SLC25A19: variants seen among roughly 807,000 people sequenced by gnomAD.
SLC25A19 encodes the protein solute carrier family 25 member 19.
A neutral mutation model predicts 27.9 loss-of-function variants in SLC25A19; 18 were observed. The ratio of observed to expected loss-of-function variants is 0.64; its 90% CI spans 0.45 to 0.96. The LOEUF (loss-of-function observed/expected upper bound fraction) is 0.96. SLC25A19 is among the 40% of genes least tolerant of loss of function. SLC25A19 has a pLI of 0.00. For synonymous variants in SLC25A19, 169 were observed against 167.1 expected, an observed-to-expected ratio of 1.01 and a Z score of -0.09; for missense variants, 371 against 418.3, an observed-to-expected ratio of 0.89 and a Z score of 0.99.
intron 7 of SLC25A19, among the ~76,000 whole-genome samples, chr17:75,274,778 AAAAG>A (rs913481900): frequency 3.3e-5 from 5 of 152,122 alleles, no homozygotes; most frequent in Admixed American, 6.6e-5. Context: ...CCCATTTAAA[AAAAG>A]AAAGAAAGAA....
At chr17:75,287,888 A>G (rs2078219865) in intron 2 of SLC25A19, among the ~76,000 whole-genome samples, 1 of 152,208 alleles carries the variant, frequency 6.6e-6, no homozygotes, top group Admixed American at 6.5e-5. Flanking sequence ...TCACGCCTGT[A>G]ATCCCAGCAC....
chr17:75,274,800 C>T, intron 7 of SLC25A19, among the ~76,000 whole-genome samples: 1 of 151,970 alleles, frequency 6.6e-6, no homozygotes, highest in South Asian at 2.1e-4. Context: ...GAAAAGAAAA[C>T]AAACTCTCCC....
chr17:75,276,510 G>C (rs148606566), intron 7 of SLC25A19, among the ~76,000 whole-genome samples: 6,421 of 134,008 alleles, frequency 0.048, 297 homozygotes, highest in Middle Eastern at 0.14. Context: ...TGGGACTACA[G>C]GCGCCCACCA....
At chr17:75,283,691 G>C (rs2078112015) in intron 4 of SLC25A19, 98 bp from the exon 5 acceptor site, 2 of 1,199,432 alleles carry the variant, frequency 1.7e-6, no homozygotes, top group Admixed American at 3.8e-5. Context: ...CTGGGGCCCA[G>C]GTGGAGGGGC....
rs1239023746 is a variant in SLC25A19 at position 75,283,459 on chromosome 17, A to T, written c.423T>A (p.Val141=). ...CCTGAGCTGCAAAGCGGGTGCGCAG[A>T]ACATCCACGGGGTGCACAGTGAGGG... ...MATLTVHPVD[V]LRTRFAAQGE... is the part of the protein sequence containing the mutation. Residue 141 remains valine, a synonymous_variant, in exon 5 of 8, where the codon GTT becomes GTA. Coordinates refer to ENST00000416858, the MANE Select transcript of SLC25A19 (RefSeq NM_001126121.2). 6.2e-7 allele frequency: 1 copy of T among 1,612,656 alleles called. No homozygotes were observed. Among genetic ancestry groups the T allele is most frequent in the East Asian group, 2.2e-5 (1 of 44,894 alleles).
At chr17:75,282,894 A>G (rs1305400831) in intron 5 of SLC25A19, among the ~76,000 whole-genome samples, 4 of 151,108 alleles carry the variant, frequency 2.6e-5, no homozygotes, top group Admixed American at 2.6e-4. Context: ...AAAAATAAAA[A>G]TCATATATTT....
intron 2 of SLC25A19, chr17:75,287,044 T>A (rs2078201460): frequency 2.5e-6 from 1 of 392,350 alleles, no homozygotes; most frequent in African/African-American, 2.1e-5. Context: ...CTACAAAAAA[T>A]ACAAAAATTT....
Position 75,277,498 on chromosome 17 carries a change from T to C in SLC25A19, c.644-15A>G. On this transcript the variant is annotated splice_polypyrimidine_tract_variant and intron_variant, in intron 6 of 7. Coordinates refer to ENST00000416858, the MANE Select transcript of SLC25A19 (RefSeq NM_001126121.2). ...TTGGAGGTTCTCTGAACCAGAGAAG[T>C]GGGATTGGGAGAATGGATGAGAGAA... The C allele has an allele frequency of 6.2e-7, 1 of 1,613,614 alleles. No homozygotes were observed. The highest frequency in any genetic ancestry group is 2.2e-5 in the East Asian group (1 of 44,864).
intron 5 of SLC25A19, among the ~76,000 whole-genome samples, chr17:75,282,791 G>A (rs991498299): frequency 4.0e-5 from 6 of 151,536 alleles, no homozygotes; most frequent in Admixed American, 6.6e-5. Flanking sequence ...GGCGGAGCTT[G>A]CAGTAGCCGA....
Position 75,286,431 on chromosome 17 carries a change from T to A in SLC25A19, c.161A>T (p.Asp54Val). ...GATGCCATGGTACTTTGCGCTGGGG[T>A]CACTGCGAGACAGGCGCTCATGCTG... is the stretch of plus-strand genomic sequence containing the variant. Reference protein sequence around the residue: ...QLQHERLSRSDPSAKYHGILQ... With the variant: ...QLQHERLSRSVPSAKYHGILQ... The change falls in exon 4 of 8, where the codon GAC becomes GTC. Residue 54 changes from aspartate to valine, a missense_variant. By Grantham distance (152) the Asp-to-Val change is radical. Transcript: ENST00000416858. 6.2e-7 allele frequency: 1 copy of A among 1,614,074 alleles called. No homozygotes were observed. The highest frequency in any genetic ancestry group is 8.5e-7 in the Non-Finnish European group (1 of 1,180,012).
intron 5 of SLC25A19, among the ~76,000 whole-genome samples, chr17:75,282,816 A>G (rs1162670677): frequency 5.3e-5 from 8 of 151,602 alleles, no homozygotes; most frequent in Non-Finnish European, 1.0e-4. Context: ...GTGCCACTGC[A>G]CTCCAGCCCG....
rs372415108 is a variant in SLC25A19, at chr17:75,286,424, G to A, written c.168C>T (p.Ser56=). 8 of 1,614,022 alleles carry A rather than the reference G, an allele frequency of 5.0e-6. No homozygotes were observed. The African/African-American group carries it at 5.3e-5, about 11-fold the overall frequency. Residue 56 remains serine (S), a synonymous_variant, in exon 4 of 8, where the codon AGC becomes AGT. Transcript: ENST00000416858. ...QHERLSRSDP[S]AKYHGILQAS... The stretch of plus-strand genomic sequence containing the variant: ...CCTGGAGGATGCCATGGTACTTTGC[G>A]CTGGGGTCACTGCGAGACAGGCGCT...
At chr17:75,286,210 GC>G (rs1305262579) in intron 4 of SLC25A19, 93 bp downstream of exon 4, 2 of 1,499,624 alleles carry the variant, frequency 1.3e-6, no homozygotes, top group Non-Finnish European at 9.2e-7. Context: ...CTTCCGTCCT[GC>G]CCTGCGCGGC....
At chr17:75,278,023 T>C in intron 6 of SLC25A19, 129 bp downstream of exon 6, 1 of 970,562 alleles carries the variant, frequency 1.0e-6, no homozygotes, top group Non-Finnish European at 1.6e-6. Flanking sequence ...TTTGCCACAT[T>C]ACAGAGCCAG....
chr17:75,275,496 G>T (rs919019450), intron 7 of SLC25A19, among the ~76,000 whole-genome samples: 1 of 152,030 alleles, frequency 6.6e-6, no homozygotes. Context: ...GGATACAGAG[G>T]GGAAAGGCCT....
intron 1 of SLC25A19, 62 bp from the exon 2 acceptor site, chr17:75,288,653 G>GC (rs1555605011): frequency 3.6e-5 from 2 of 56,012 alleles, no homozygotes; most frequent in Non-Finnish European, 6.4e-5. Flanking sequence ...ATTTGTTATG[G>GC]CAAAAAAAAA....
intron 1 of SLC25A19, among the ~76,000 whole-genome samples, 198 bp from the exon 2 acceptor site, chr17:75,288,789 C>A (rs2078242795): frequency 6.6e-6 from 1 of 152,096 alleles, no homozygotes; most frequent in Non-Finnish European, 1.5e-5. Context: ...CCCCAGACAT[C>A]AATTCCTTTT....
intron 5 of SLC25A19, 118 bp from the exon 6 acceptor site, chr17:75,278,453 GC>G (rs1175174236): frequency 8.0e-6 from 9 of 1,120,630 alleles, no homozygotes. Flanking sequence ...AACTCCTCCT[GC>G]CAGGAAGACA....
chr17:75,284,271 C>T (rs758629029), intron 4 of SLC25A19, among the ~76,000 whole-genome samples: 11 of 152,120 alleles, frequency 7.2e-5, no homozygotes, highest in Admixed American at 3.9e-4. Flanking sequence ...GGCATGGTGG[C>T]GTGGGCCTGT....
Sources: allele counts gnomAD v4.1 joint callset (sites outside exome capture counted in the v4.1 genomes callset), GRCh38; gene constraint gnomAD v4.1.1; transcripts MANE v1.5; gene names NCBI Gene and HGNC (gene_info 2026-07-23, HGNC 2026-07-21).